Variants in STXBP4 observed in about 807,000 individuals in gnomAD.
STXBP4 encodes syntaxin-binding protein 4.
A neutral mutation model predicts 76.1 loss-of-function variants in STXBP4; 55 were observed. The observed-to-expected ratio is 0.72, with a 90% CI of 0.58 to 0.91. The LOEUF (loss-of-function observed/expected upper bound fraction) is 0.91. Among genes scored for constraint, STXBP4 ranks in the 40% least tolerant of loss-of-function variants. The pLI, the probability that STXBP4 is intolerant of heterozygous loss-of-function variation, is 0.00. For synonymous variants in STXBP4, 201 were observed against 220.2 expected (o/e 0.91, Z 0.77); for missense variants, 618 against 636.9 (o/e 0.97, Z 0.32).
chr17:55,081,832 A>G (rs900984988), intron 16 of STXBP4, among the ~76,000 whole-genome samples: 2 of 152,210 alleles, frequency 1.3e-5, no homozygotes. Context: ...TCATTGGGCT[A>G]GAAAGAGAAG....
chr17:55,181,354 C>T, the STXBP4 span, among the ~76,000 whole-genome samples: 6 of 152,166 alleles, frequency 3.9e-5, no homozygotes, highest in African/African-American at 1.4e-4. Context: ...ATAGGAAAAA[C>T]AGAGTCACCT....
At chr17:55,088,445 G>C (rs1199590469) in intron 16 of STXBP4, among the ~76,000 whole-genome samples, 1 of 152,176 alleles carries the variant, frequency 6.6e-6, no homozygotes, top group African/African-American at 2.4e-5. Flanking sequence ...GCCCGGGCTG[G>C]AGTACAATGA....
chr17:55,004,283 A>C (rs1598187898), intron 7 of STXBP4, among the ~76,000 whole-genome samples: 1 of 152,346 alleles, frequency 6.6e-6, no homozygotes, highest in Middle Eastern at 3.4e-3. Flanking sequence ...GTCTTTTGAA[A>C]CTGAAGCAAA....
the STXBP4 span, among the ~76,000 whole-genome samples, chr17:55,200,593 G>A: frequency 1.3e-5 from 2 of 152,184 alleles, no homozygotes; most frequent in Non-Finnish European, 2.9e-5. Flanking sequence ...AGGGGCAGAA[G>A]TAGGACTCAA....
At chr17:55,185,326 T>TCTCCTCCTCCTCCTC in the STXBP4 span, among the ~76,000 whole-genome samples, 898 of 74,540 alleles carry the variant, frequency 0.012, 65 homozygotes, top group Middle Eastern at 0.026. Flanking sequence ...TCCTTCTCCT[T>TCTCCTCCTCCTCCTC]CTCCTCCTCC....
intron 1 of STXBP4, among the ~76,000 whole-genome samples, chr17:54,977,123 T>C (rs948040237): frequency 2.0e-5 from 3 of 152,170 alleles, no homozygotes; most frequent in African/African-American, 7.2e-5. Flanking sequence ...CAACAGGACC[T>C]AAACCGAACC....
chr17:55,043,239 CT>C lies in STXBP4; in HGVS notation c.861del (p.Pro288LeufsTer21). On this transcript the variant is annotated frameshift_variant, in exon 11 of 18. Coordinates refer to ENST00000376352, the MANE Select transcript of STXBP4 (RefSeq NM_178509.6). LOFTEE classifies it high-confidence loss of function. The part of the protein sequence containing the change: ...EISNILDSQL[L>X]PCDSSEADEM... ...TCTTATATTTTAATGTTGATAGCTT[CT>C]TCCTTGTGATTCTTCAGAAGCAGAT... 1 of 1,491,844 alleles carries C rather than the reference CT, an allele frequency of 6.7e-7. No individual in the cohort carries two copies. 92.4% of individuals were successfully genotyped at this position (1,491,844 alleles called of 1,614,324 possible).
At chr17:55,204,844 A>AC in the STXBP4 span, among the ~76,000 whole-genome samples, 1 of 32,772 alleles carries the variant, frequency 3.1e-5, no homozygotes, top group Admixed American at 2.7e-4. Flanking sequence ...ACACACACAC[A>AC]AACACACATA....
intron 8 of STXBP4, among the ~76,000 whole-genome samples, chr17:55,023,916 C>CAAAAAAAAAAAAAAAAA (rs61454264): frequency 3.2e-4 from 20 of 62,226 alleles, no homozygotes; most frequent in East Asian, 9.6e-4. Context: ...GGCCCTTTTC[C>CAAAAAAAAAAAAAAAAA]AAAAAAAAAA....
At position 55,171,780 on chromosome 17, in the gene STXBP4, C is replaced by G. The variant is rs753569103; in HGVS notation, c.*11869C>G. ...GCCTAGAATGGAACCCTCCCTCCCC[C>G]GCCCCTGGGGCCTTCAGAGGGAGCG... On this transcript the variant is annotated 3_prime_UTR_variant, in exon 18 of 18. Coordinates refer to ENST00000376352, the MANE Select transcript of STXBP4 (RefSeq NM_178509.6). 6.6e-6 allele frequency: 1 copy of G among 152,262 alleles called. No individual in the cohort carries two copies. Among genetic ancestry groups the G allele is most frequent in the African/African-American group, 2.4e-5 (1 of 41,458 alleles). The allele number at this position is 152,262 out of a possible 1,614,324, so 9.4% of individuals were successfully genotyped here.
intron 16 of STXBP4, among the ~76,000 whole-genome samples, chr17:55,100,349 G>C (rs1357244060): frequency 6.6e-6 from 1 of 152,150 alleles, no homozygotes; most frequent in African/African-American, 2.4e-5. Flanking sequence ...GTAGCTTGTA[G>C]GGTAAGAAAT....
chr17:55,182,411 C>A, the STXBP4 span, among the ~76,000 whole-genome samples: 4 of 151,760 alleles, frequency 2.6e-5, no homozygotes, highest in East Asian at 1.9e-4. Context: ...CAAGAAGGAA[C>A]AAAAGAATAA....
At chr17:55,020,668 A>C (rs889454456) in intron 8 of STXBP4, among the ~76,000 whole-genome samples, 1 of 152,148 alleles carries the variant, frequency 6.6e-6, no homozygotes, top group African/African-American at 2.4e-5. Context: ...AAATACAAAA[A>C]TTAGCCAGGC....
the STXBP4 span, among the ~76,000 whole-genome samples, chr17:55,187,429 T>TA: frequency 0.032 from 4,575 of 143,164 alleles, 170 homozygotes; most frequent in African/African-American, 0.09. Context: ...GCTTATGATT[T>TA]AAAAAAAAAA....
intron 12 of STXBP4, among the ~76,000 whole-genome samples, chr17:55,067,050 CT>C (rs1469171059): frequency 6.6e-6 from 1 of 151,988 alleles, no homozygotes; most frequent in Non-Finnish European, 1.5e-5. Context: ...AAATAAGTTC[CT>C]TAAGGCAGTT....
At chr17:55,173,736 T>TA (rs2080418250), downstream of STXBP4, 1 of 152,208 alleles carries the variant, frequency 6.6e-6, no homozygotes, top group Non-Finnish European at 1.5e-5. Flanking sequence ...TTGTTGCCCT[T>TA]TAAAATTACA....
At chr17:55,073,158 G>A in intron 13 of STXBP4, 82 bp downstream of exon 13, 3 of 1,309,438 alleles carry the variant, frequency 2.3e-6, no homozygotes, top group Non-Finnish European at 3.3e-6. Flanking sequence ...CTTTTCATCT[G>A]CACTTCTAAA....
At chr17:55,128,961 C>T (rs539810412) in intron 16 of STXBP4, among the ~76,000 whole-genome samples, 4 of 135,070 alleles carry the variant, frequency 3.0e-5, no homozygotes, top group African/African-American at 5.7e-5. Flanking sequence ...GACAGAGCCT[C>T]GCTTCCTTAC....
chr17:55,208,496 A>G, the STXBP4 span, among the ~76,000 whole-genome samples: 1 of 150,610 alleles, frequency 6.6e-6, no homozygotes, highest in African/African-American at 2.4e-5. Context: ...CAGTACTGTT[A>G]TGCACAAAGG....
Sources: gnomAD v4.1 joint callset for allele counts (sites outside exome capture counted in the v4.1 genomes callset) on GRCh38, gnomAD v4.1.1 for gene constraint, MANE v1.5 for transcripts, NCBI Gene and HGNC (gene_info 2026-07-23, HGNC 2026-07-21) for gene names.